CPZ: variants seen among roughly 807,000 people sequenced by gnomAD.
CPZ encodes VEZT/CPZ fusion.
Under a neutral mutation model 61.8 loss-of-function variants are expected in CPZ, and 103 were observed. That is an observed-to-expected ratio of 1.67 (90% confidence interval 1.42 to 1.96). The LOEUF is 1.96. CPZ is among the 30% of genes most tolerant of loss of function. CPZ has a pLI of 0.00. For missense variants in CPZ, 1,461 were observed against 914.9 expected, an observed-to-expected ratio of 1.60 and a Z score of -7.70; for synonymous variants, 551 against 373.7, an observed-to-expected ratio of 1.47 and a Z score of -5.47.
At chr4:8,614,600 C>T (rs1252707435) in intron 9 of CPZ, 102 bp downstream of exon 9, 4 of 1,209,284 alleles carry the variant, frequency 3.3e-6, no homozygotes, top group South Asian at 1.6e-5. Flanking sequence ...CTGCCCCATA[C>T]ACACATGCTC....
At chr4:8,609,858 G>A (rs1412301874) in intron 7 of CPZ, among the ~76,000 whole-genome samples, 2 of 152,196 alleles carry the variant, frequency 1.3e-5, no homozygotes, top group South Asian at 2.1e-4. Flanking sequence ...GGAGAGGCCT[G>A]GGTTTGGCAG....
intron 2 of CPZ, 170 bp downstream of exon 2, chr4:8,599,655 T>A: frequency 7.0e-7 from 1 of 1,435,546 alleles, no homozygotes; most frequent in African/African-American, 1.4e-5. Context: ...AAATTAGACA[T>A]AACAAAAAAA....
chr4:8,606,830 C>G lies in CPZ; in HGVS notation c.1000C>G (p.Arg334Gly), dbSNP rs774952136. The change falls in exon 6 of 11, where the codon CGG becomes GGG. Residue 334 changes from arginine (R) to glycine (G), a missense_variant. Coordinates refer to ENST00000360986, the MANE Select transcript of CPZ (RefSeq NM_001014447.3). ...NFPDLTSEYY[R>G]LAETRGARSD... is the part of the protein sequence containing the mutation. Reference sequence around the variant, plus strand: ...CCCGGACCTGACGTCCGAGTACTACCGGCTGGCGGAGACCCGCGGCGCACG... The same window carrying G: ...CCCGGACCTGACGTCCGAGTACTACGGGCTGGCGGAGACCCGCGGCGCACG... 2.5e-6 allele frequency: 4 copies of G among 1,613,884 alleles called. No individual in the cohort carries two copies. Among genetic ancestry groups the G allele is most frequent in the Non-Finnish European group, 3.4e-6 (4 of 1,179,972 alleles).
In CPZ at chr4:8,619,594, C is replaced by T. The variant is rs750443864; in HGVS notation, c.1936C>T (p.Pro646Ser). 2.0e-6 allele frequency: 3 copies of T among 1,509,596 alleles called. No individual in the cohort carries two copies. The highest frequency in any genetic ancestry group is 2.3e-5 in the East Asian group (1 of 42,888). The allele number at this position is 1,509,596 out of a possible 1,614,324, so 93.5% of individuals were successfully genotyped here. A position where few individuals can be genotyped will look rare whatever the true frequency, so the allele number is the denominator to read the frequency against. ...SYFTSLSTHR[P>S]RWLLKY ...CTTCACATCGCTGAGCACCCACAGG[C>T]CACGCTGGCTGCTCAAGTACTAGCC... Residue 646 changes from proline (P) to serine (S), a missense_variant, in exon 11 of 11, where the codon CCA becomes TCA. Coordinates refer to ENST00000360986, the MANE Select transcript of CPZ (RefSeq NM_001014447.3).
At chr4:8,606,252 G>T (rs989827986) in intron 5 of CPZ, 67 bp downstream of exon 5, 4 of 1,465,004 alleles carry the variant, frequency 2.7e-6, no homozygotes, top group Admixed American at 3.9e-5. Flanking sequence ...ATCCATTTAT[G>T]AGTAGTTTAT....
At chr4:8,613,416 C>A (rs548136612) in intron 8 of CPZ, among the ~76,000 whole-genome samples, 2 of 152,324 alleles carry the variant, frequency 1.3e-5, no homozygotes, top group Admixed American at 6.5e-5. Context: ...AGGCGTGAGC[C>A]ACTGCACCTG....
At chr4:8,598,412 C>G (rs1437828928) in intron 1 of CPZ, among the ~76,000 whole-genome samples, 3 of 152,230 alleles carry the variant, frequency 2.0e-5, no homozygotes. Context: ...CCTGCACTCT[C>G]CTGGCCTCAA....
At chr4:8,613,026 T>C (rs577473900) in intron 8 of CPZ, among the ~76,000 whole-genome samples, 24 of 152,188 alleles carry the variant, frequency 1.6e-4, no homozygotes, top group African/African-American at 4.1e-4. Flanking sequence ...GCAGCCTCTC[T>C]CCCTTCCAGA....
chr4:8,618,325 C>G (rs1716376424), intron 9 of CPZ, 104 bp from the exon 10 acceptor site: 1 of 1,106,826 alleles, frequency 9.0e-7, no homozygotes. Flanking sequence ...GGTAGTTCCC[C>G]CTAGATACCA....
chr4:8,619,424 A>G lies in CPZ; in HGVS notation c.1766A>G (p.Lys589Arg). Residue 589 changes from lysine to arginine, a missense_variant, in exon 11 of 11, where the codon AAG becomes AGG. Physicochemically the swap from Lys to Arg is conservative, Grantham distance 26. Transcript: ENST00000360986. The part of the protein sequence containing the change: ...FILQPLGMGP[K>R]NFIHGLRRTG... ...CTGCAACCTCTGGGGATGGGACCCA[A>G]GAACTTTATTCATGGGCTGCGGAGG... The G allele has an allele frequency of 6.2e-7, 1 of 1,614,054 alleles. No homozygotes were observed.
chr4:8,608,078 T>C (rs1367084893), intron 7 of CPZ, among the ~76,000 whole-genome samples: 1 of 144,436 alleles, frequency 6.9e-6, no homozygotes, highest in East Asian at 2.4e-4. Context: ...GTTCCCACAC[T>C]GTGGATAAGA....
At chr4:8,596,882 G>A (rs1028209048) in intron 1 of CPZ, among the ~76,000 whole-genome samples, 1 of 152,210 alleles carries the variant, frequency 6.6e-6, no homozygotes, top group African/African-American at 2.4e-5. Context: ...CCTGAGGCCA[G>A]CAGAGTTCCC....
intron 2 of CPZ, among the ~76,000 whole-genome samples, chr4:8,600,211 A>G (rs1367327058): frequency 1.3e-5 from 2 of 152,170 alleles, no homozygotes; most frequent in African/African-American, 4.8e-5. Context: ...TCCTGGCCTC[A>G]AGTGATCCTC....
chr4:8,600,787 G>T (rs1407143195), intron 2 of CPZ, among the ~76,000 whole-genome samples: 1 of 152,242 alleles, frequency 6.6e-6, no homozygotes, highest in Non-Finnish European at 1.5e-5. Flanking sequence ...TGGGTGGTCT[G>T]TGCCTGTCCC....
Position 8,614,435 on chromosome 4 carries a change from C to G in CPZ, c.1440C>G (p.Pro480=), listed in dbSNP as rs966225662. Residue 480 remains proline, a synonymous_variant, in exon 9 of 11, where the codon CCC becomes CCG. Coordinates refer to ENST00000360986, the MANE Select transcript of CPZ (RefSeq NM_001014447.3). ...TVELGCVKFP[P]EEALYILWQH... is the part of the protein sequence containing the mutation. The stretch of plus-strand genomic sequence containing the variant: ...AGCTGGGCTGTGTGAAGTTCCCCCC[C>G]GAGGAGGCCCTGTACATACTCTGGC... The G allele has an allele frequency of 6.2e-6, 10 of 1,613,912 alleles. No homozygotes were observed. The highest frequency in any genetic ancestry group is 1.6e-4 in the Middle Eastern group (1 of 6,082).
intron 9 of CPZ, among the ~76,000 whole-genome samples, chr4:8,615,753 T>G (rs1300511106): frequency 1.3e-5 from 2 of 152,194 alleles, no homozygotes; most frequent in Non-Finnish European, 2.9e-5. Context: ...CGCCCAGATC[T>G]GCTTCTTCCC....
intron 7 of CPZ, among the ~76,000 whole-genome samples, chr4:8,611,007 C>CTCACTCAT (rs201465210): frequency 2.1e-5 from 2 of 94,022 alleles, no homozygotes; most frequent in Admixed American, 1.0e-4. Context: ...CACTCATTCA[C>CTCACTCAT]TCACTCATTC....
intron 9 of CPZ, among the ~76,000 whole-genome samples, chr4:8,614,826 TG>T (rs769498201): frequency 5.6e-4 from 85 of 151,954 alleles, no homozygotes; most frequent in Middle Eastern, 3.4e-3. Flanking sequence ...CCTCAGAGGC[TG>T]GGGGGGCTTC....
intron 5 of CPZ, 85 bp from the exon 6 acceptor site, chr4:8,606,652 C>T (rs1296587157): frequency 4.5e-6 from 7 of 1,550,240 alleles, no homozygotes; most frequent in African/African-American, 1.4e-5. Context: ...CTGGCCTTGA[C>T]CCTCAGCCCA....
Sources: gnomAD v4.1 joint callset for allele counts (sites outside exome capture counted in the v4.1 genomes callset) on GRCh38, gnomAD v4.1.1 for gene constraint, MANE v1.5 for transcripts, NCBI Gene and HGNC (gene_info 2026-07-23, HGNC 2026-07-21) for gene names.